The following LRRC38 variants were observed in gnomAD, a reference collection of about 807,000 sequenced individuals.
The protein encoded by LRRC38 is leucine-rich repeat-containing protein 38.
A neutral mutation model predicts 16.4 loss-of-function variants in LRRC38; 5 were observed. The ratio of observed to expected loss-of-function variants is 0.31; its 90% CI spans 0.16 to 0.64. The LOEUF (loss-of-function observed/expected upper bound fraction) is 0.64, where lower values mean the gene tolerates loss of function less well. Among genes scored for constraint, LRRC38 ranks in the 30% least tolerant of loss-of-function variants. The pLI is 0.80. For synonymous variants in LRRC38, 191 were observed against 190.2 expected, an observed-to-expected ratio of 1.00 and a Z score of -0.04; for missense variants, 341 against 401.8, an observed-to-expected ratio of 0.85 and a Z score of 1.29.
At chr1:13,512,928 T>TA in intron 1 of LRRC38, 35 bp downstream of exon 1, 2 of 435,442 alleles carry the variant, frequency 4.6e-6, no homozygotes, top group Non-Finnish European at 6.7e-6. Context: ...CCTGCCCCCC[T>TA]CCCTCCCTCC....
chr1:13,494,030 T>C (rs1234862174), intron 1 of LRRC38, among the ~76,000 whole-genome samples: 1 of 152,166 alleles, frequency 6.6e-6, no homozygotes, highest in African/African-American at 2.4e-5. Context: ...ACCACTGCAC[T>C]CCAGCCTGGG....
intron 1 of LRRC38, among the ~76,000 whole-genome samples, chr1:13,489,184 C>G (rs1051336939): frequency 1.3e-5 from 2 of 152,106 alleles, no homozygotes; most frequent in Non-Finnish European, 2.9e-5. Context: ...GGCATTGGTC[C>G]CTCTGCTCCT....
At chr1:13,484,856 G>A (rs1377818473) in intron 1 of LRRC38, among the ~76,000 whole-genome samples, 2 of 152,182 alleles carry the variant, frequency 1.3e-5, no homozygotes, top group Non-Finnish European at 2.9e-5. Flanking sequence ...TCGCAGATAA[G>A]CAAACTGAAC....
chr1:13,482,744 G>T (rs1368188767), intron 1 of LRRC38, among the ~76,000 whole-genome samples: 2 of 152,130 alleles, frequency 1.3e-5, no homozygotes, highest in Non-Finnish European at 2.9e-5. Flanking sequence ...ACCTGACCTT[G>T]GAATGTTCTC....
At chr1:13,500,179 C>T (rs1024903280) in intron 1 of LRRC38, among the ~76,000 whole-genome samples, 5 of 151,182 alleles carry the variant, frequency 3.3e-5, no homozygotes, top group Admixed American at 6.6e-5. Flanking sequence ...CACTTGAACC[C>T]GGGAGGCAGA....
At chr1:13,497,962 CAA>C (rs370605050) in intron 1 of LRRC38, among the ~76,000 whole-genome samples, 17 of 68,994 alleles carry the variant, frequency 2.5e-4, no homozygotes, top group South Asian at 6.1e-4. Context: ...AACTCCATCA[CAA>C]AAAAAAAAAA....
chr1:13,484,221 C>A (rs1443588221), intron 1 of LRRC38, among the ~76,000 whole-genome samples: 1 of 152,138 alleles, frequency 6.6e-6, no homozygotes, highest in African/African-American at 2.4e-5. Flanking sequence ...ACTAGGCAGT[C>A]ACCTTCTCAA....
At chr1:13,500,974 C>G (rs981502813) in intron 1 of LRRC38, among the ~76,000 whole-genome samples, 1 of 152,028 alleles carries the variant, frequency 6.6e-6, no homozygotes, top group Admixed American at 6.6e-5. Flanking sequence ...AACTATTCTG[C>G]GTGATTCTAT....
At chr1:13,484,771 C>T (rs1638910991) in intron 1 of LRRC38, among the ~76,000 whole-genome samples, 1 of 152,236 alleles carries the variant, frequency 6.6e-6, no homozygotes, top group African/African-American at 2.4e-5. Flanking sequence ...AGATATTCTT[C>T]TAAGCACTCT....
intron 1 of LRRC38, among the ~76,000 whole-genome samples, chr1:13,481,366 G>C (rs75443609): frequency 0.015 from 2,223 of 150,084 alleles, 68 homozygotes; most frequent in African/African-American, 0.052. Flanking sequence ...CCAGGGATTA[G>C]TGTTCTTATG....
intron 1 of LRRC38, among the ~76,000 whole-genome samples, chr1:13,498,295 C>T (rs354593): frequency 0.18 from 28,077 of 151,816 alleles, 2,811 homozygotes; most frequent in Admixed American, 0.25. Flanking sequence ...TATTTCCCCA[C>T]ACGCAAACCA....
intron 1 of LRRC38, among the ~76,000 whole-genome samples, chr1:13,485,277 T>TAAAA (rs3060199): frequency 0.012 from 1,161 of 97,804 alleles, 30 homozygotes; most frequent in East Asian, 0.048. Flanking sequence ...AACCCCACCT[T>TAAAA]AAAAAAAAAA....
chr1:13,509,246 G>A (rs1639247479), intron 1 of LRRC38, among the ~76,000 whole-genome samples: 1 of 152,148 alleles, frequency 6.6e-6, no homozygotes, highest in Admixed American at 6.6e-5. Flanking sequence ...TCCTAGTGCT[G>A]TAAGCTGTGA....
intron 1 of LRRC38, among the ~76,000 whole-genome samples, chr1:13,494,936 G>T (rs1639064624): frequency 6.6e-6 from 1 of 152,228 alleles, no homozygotes; most frequent in African/African-American, 2.4e-5. Context: ...CAGGTGTTTG[G>T]TCTGCTCTGG....
At position 13,513,167 on chromosome 1, in the gene LRRC38, C is replaced by T. The variant is rs897523846; in HGVS notation, c.427G>A (p.Val143Met). Residue 143 changes from valine to methionine, a missense_variant, in exon 1 of 2, where the codon GTG becomes ATG. Val to Met is a conservative substitution (Grantham distance 21). Transcript: ENST00000376085. ...LSLANNNLVG[V>M]HEDAFETLES... Reference sequence around the variant, plus strand: ...AGGGTCTCGAAGGCGTCCTCGTGCACGCCCACCAGGTTGTTGTTAGCCAGG... The same window carrying T: ...AGGGTCTCGAAGGCGTCCTCGTGCATGCCCACCAGGTTGTTGTTAGCCAGG... 12 of 1,550,434 alleles carry T rather than the reference C, an allele frequency of 7.7e-6. No individual in the cohort carries two copies. In the African/African-American group the frequency reaches 1.5e-4, roughly 19 times the overall value.
chr1:13,512,476 A>G (rs560817875), intron 1 of LRRC38, among the ~76,000 whole-genome samples: 14 of 152,224 alleles, frequency 9.2e-5, no homozygotes, highest in African/African-American at 2.6e-4. Context: ...TTCCTCACCC[A>G]TATTAGACAG....
At chr1:13,512,927 C>CGG in intron 1 of LRRC38, 36 bp downstream of exon 1, 3 of 1,333,536 alleles carry the variant, frequency 2.2e-6, no homozygotes, top group Non-Finnish European at 2.1e-6. Context: ...CCCTGCCCCC[C>CGG]TCCCTCCCTC....
At chr1:13,493,325 G>A (rs1639040779) in intron 1 of LRRC38, among the ~76,000 whole-genome samples, 1 of 152,054 alleles carries the variant, frequency 6.6e-6, no homozygotes. Context: ...GTGACCTCGG[G>A]GTGGGGCCTT....
At chr1:13,504,885 A>G (rs1296026319) in intron 1 of LRRC38, among the ~76,000 whole-genome samples, 1 of 152,078 alleles carries the variant, frequency 6.6e-6, no homozygotes, top group Non-Finnish European at 1.5e-5. Flanking sequence ...GAAAAGAGAA[A>G]CAAAGAAAGA....
Sources: allele counts gnomAD v4.1 joint callset (sites outside exome capture counted in the v4.1 genomes callset), GRCh38; gene constraint gnomAD v4.1.1; transcripts MANE v1.5; gene names NCBI Gene and HGNC (gene_info 2026-07-23, HGNC 2026-07-21).